The following CNKSR3 variants were observed in gnomAD, a reference collection of about 807,000 sequenced individuals.
CNKSR3 encodes the protein CNKSR family member 3.
CNKSR3 carries 36 observed loss-of-function variants against 67.7 expected under a neutral mutation model. The ratio of observed to expected loss-of-function variants is 0.53; its 90% CI spans 0.41 to 0.70. CNKSR3 has a LOEUF of 0.70. Among genes scored for constraint, CNKSR3 ranks in the 30% least tolerant of loss-of-function variants. The pLI, the probability that CNKSR3 is intolerant of heterozygous loss-of-function variation, is 0.00. For missense variants in CNKSR3, 630 were observed against 695.2 expected (o/e 0.91, Z 1.05); for synonymous variants, 281 against 271.4 (o/e 1.04, Z -0.35).
chr6:154,498,815 G>A (rs960621717), intron 1 of CNKSR3, among the ~76,000 whole-genome samples: 64 of 152,192 alleles, frequency 4.2e-4, no homozygotes, highest in African/African-American at 1.5e-3. Context: ...AATGCAACAT[G>A]TTTGTGACTC....
chr6:154,420,412 G>A (rs562117107), intron 9 of CNKSR3, among the ~76,000 whole-genome samples: 11 of 152,128 alleles, frequency 7.2e-5, no homozygotes, highest in African/African-American at 1.9e-4. Flanking sequence ...ATTGGTGGCC[G>A]GGCGCGGTGG....
intron 9 of CNKSR3, 73 bp from the exon 10 acceptor site, chr6:154,414,496 CT>C: frequency 6.6e-7 from 1 of 1,508,902 alleles, no homozygotes; most frequent in Non-Finnish European, 9.0e-7. Flanking sequence ...TTTATTTCCC[CT>C]CCCCCAAACC....
intron 1 of CNKSR3, among the ~76,000 whole-genome samples, chr6:154,500,373 G>C (rs929847310): frequency 6.6e-6 from 1 of 151,884 alleles, no homozygotes; most frequent in Admixed American, 6.6e-5. Flanking sequence ...TTCACTAAAA[G>C]GTTATCCTCA....
chr6:154,438,197 TG>T (rs1785511137), intron 4 of CNKSR3, among the ~76,000 whole-genome samples: 1 of 152,196 alleles, frequency 6.6e-6, no homozygotes, highest in Non-Finnish European at 1.5e-5. Flanking sequence ...TACATAAATG[TG>T]GTCATATACA....
chr6:154,407,830 T>C (rs1006487720), intron 12 of CNKSR3, among the ~76,000 whole-genome samples: 1 of 125,564 alleles, frequency 8.0e-6, no homozygotes, highest in Non-Finnish European at 1.6e-5. Context: ...TTCTAAATTT[T>C]AGAATTTAGA....
chr6:154,423,932 C>A (rs1785199302), intron 7 of CNKSR3, among the ~76,000 whole-genome samples: 1 of 151,934 alleles, frequency 6.6e-6, no homozygotes, highest in Admixed American at 6.6e-5. Context: ...ACTGCAACAA[C>A]AATATATATA....
At chr6:154,446,241 A>C (rs1001428396) in intron 2 of CNKSR3, among the ~76,000 whole-genome samples, 1 of 152,176 alleles carries the variant, frequency 6.6e-6, no homozygotes, top group African/African-American at 2.4e-5. Context: ...GAAAGCAAAA[A>C]GTCTTAAAAT....
In CNKSR3 at chr6:154,474,052, G is replaced by A. The variant is rs566280962; in HGVS notation, c.53-23794C>T. ...TCCACCTCGGCCTCCCAAAGTGCTG[G>A]GATTACAGGCGTGAGTCACTGTGAA... On this transcript the variant is annotated intron_variant, in intron 1 of 12. Transcript: ENST00000607772. Among the ~76,000 whole-genome samples, 9 of 151,388 alleles carry A rather than the reference G, an allele frequency of 5.9e-5. No individual in the cohort carries two copies. The East Asian group carries it at 1.8e-3, about 30-fold the overall frequency.
intron 5 of CNKSR3, among the ~76,000 whole-genome samples, chr6:154,432,559 G>A (rs1427004862): frequency 6.6e-6 from 1 of 152,082 alleles, no homozygotes; most frequent in African/African-American, 2.4e-5. Context: ...CATGAATTAT[G>A]CTTTTGGTGT....
Position 154,406,514 on chromosome 6 carries a change from C to T in CNKSR3, c.1508G>A (p.Ser503Asn), listed in dbSNP as rs1455274846. ...GAGATCTGAGTTGATGTAGCACCTG[C>T]TTCCTCGGATGTAGTCCGCACCCCG... ...LVRGADYIRG[S>N]RCYINSDLHS... The change falls in exon 13 of 13, where the codon AGC becomes AAC. Residue 503 changes from serine to asparagine, a missense_variant. Ser to Asn is a conservative substitution (Grantham distance 46). This residue lies in a region of CNKSR3 where 308 missense variants were observed against 299.6 expected (regional missense o/e 1.03). Coordinates refer to ENST00000607772, the MANE Select transcript of CNKSR3 (RefSeq NM_173515.4). 2 of 1,614,036 alleles carry T rather than the reference C, an allele frequency of 1.2e-6. No individual in the cohort carries two copies. Among genetic ancestry groups the T allele is most frequent in the South Asian group, 1.1e-5 (1 of 91,082 alleles).
Position 154,403,737 on chromosome 6 carries a change from C to A in CNKSR3, c.*2617G>T, listed in dbSNP as rs1784741072. ...ACTTCTCTCGCGGGTCCTGGGACTC[C>A]AGGGAACAAAGGCTGAAAAGCACCA... On this transcript the variant is annotated 3_prime_UTR_variant, in exon 13 of 13. Transcript: ENST00000607772. 2 of 152,038 alleles carry A rather than the reference C, an allele frequency of 1.3e-5. No homozygotes were observed. Among genetic ancestry groups the A allele is most frequent in the Admixed American group, 1.3e-4 (2 of 15,274 alleles). 9.4% of individuals were successfully genotyped at this position (152,038 alleles called of 1,614,324 possible).
intron 7 of CNKSR3, among the ~76,000 whole-genome samples, chr6:154,423,374 C>T (rs1193233956): frequency 1.3e-5 from 2 of 152,176 alleles, no homozygotes; most frequent in African/African-American, 4.8e-5. Context: ...AGCGGATCTC[C>T]CCCCTCAGCC....
intron 9 of CNKSR3, among the ~76,000 whole-genome samples, chr6:154,419,975 A>G (rs2128713383): frequency 6.6e-6 from 1 of 152,132 alleles, no homozygotes; most frequent in South Asian, 2.1e-4. Flanking sequence ...AGCTACTCAG[A>G]GGAGGCTGAG....
At chr6:154,452,349 C>G (rs1213441127) in intron 1 of CNKSR3, among the ~76,000 whole-genome samples, 1 of 152,148 alleles carries the variant, frequency 6.6e-6, no homozygotes, top group Non-Finnish European at 1.5e-5. Context: ...ACAGTAAGGT[C>G]TAACAACAAG....
intron 1 of CNKSR3, among the ~76,000 whole-genome samples, chr6:154,470,545 C>G (rs1418046154): frequency 6.6e-6 from 1 of 152,066 alleles, no homozygotes; most frequent in Non-Finnish European, 1.5e-5. Flanking sequence ...AATATGCAAC[C>G]TTTTATCTTT....
chr6:154,463,253 T>G (rs1014884542), intron 1 of CNKSR3, among the ~76,000 whole-genome samples: 2 of 152,066 alleles, frequency 1.3e-5, no homozygotes, highest in African/African-American at 4.8e-5. Context: ...GTATTTTTAG[T>G]AGAGACAGGT....
intron 1 of CNKSR3, among the ~76,000 whole-genome samples, chr6:154,455,328 T>C (rs953961461): frequency 7.2e-5 from 11 of 152,112 alleles, no homozygotes; most frequent in Non-Finnish European, 1.5e-4. Flanking sequence ...ATAGTGATTT[T>C]GTTTTGTTCA....
intron 1 of CNKSR3, among the ~76,000 whole-genome samples, chr6:154,454,172 T>G (rs958470882): frequency 6.9e-6 from 1 of 145,158 alleles, no homozygotes; most frequent in Non-Finnish European, 1.5e-5. Flanking sequence ...AATACCAGTC[T>G]CCCTTCTTAC....
chr6:154,466,822 C>T (rs190104464), intron 1 of CNKSR3, among the ~76,000 whole-genome samples: 3 of 148,546 alleles, frequency 2.0e-5, no homozygotes, highest in Admixed American at 6.8e-5. Context: ...GACAGGGTCT[C>T]GATATGTTGT....
Sources: allele counts gnomAD v4.1 joint callset (sites outside exome capture counted in the v4.1 genomes callset), GRCh38; gene constraint gnomAD v4.1.1; regional missense constraint gnomAD v4.1.1; transcripts MANE v1.5; gene names NCBI Gene and HGNC (gene_info 2026-07-23, HGNC 2026-07-21).